EIF4B: variants seen among roughly 807,000 people sequenced by gnomAD.
The protein encoded by EIF4B is eukaryotic translation initiation factor 4B.
Under a neutral mutation model 79.3 loss-of-function variants are expected in EIF4B, and 8 were observed. The ratio of observed to expected loss-of-function variants is 0.10; its 90% confidence interval spans 0.06 to 0.18. The LOEUF is 0.18. EIF4B is among the 10% of genes least tolerant of loss of function. The probability of loss-of-function intolerance (pLI) is 1.00; values close to 1 mark genes in which losing one functional copy is unlikely to be tolerated. For missense variants in EIF4B, 515 were observed against 792.4 expected (o/e 0.65, Z 4.20); for synonymous variants, 238 against 274.7 (o/e 0.87, Z 1.32).
intron 10 of EIF4B, among the ~76,000 whole-genome samples, chr12:53,036,752 A>T (rs1943547912): frequency 6.6e-6 from 1 of 151,804 alleles, no homozygotes; most frequent in Non-Finnish European, 1.5e-5. Flanking sequence ...TTTGAGATGG[A>T]GTCTCACTCT....
At chr12:53,007,542 A>T (rs1942989980) in intron 1 of EIF4B, among the ~76,000 whole-genome samples, 1 of 148,840 alleles carries the variant, frequency 6.7e-6, no homozygotes, top group Admixed American at 6.9e-5. Context: ...GGAGGGGAGT[A>T]TCAGTGCCTT....
intron 5 of EIF4B, chr12:53,022,146 A>G: frequency 4.6e-6 from 3 of 658,748 alleles, no homozygotes; most frequent in South Asian, 3.3e-5. Flanking sequence ...ATGCATGTCA[A>G]GATTGAGAAG....
At chr12:53,019,437 A>ATATTTTTTTTTTCTTTT (rs1943205076) in intron 3 of EIF4B, among the ~76,000 whole-genome samples, 5 of 51,024 alleles carry the variant, frequency 9.8e-5, no homozygotes, top group East Asian at 1.3e-3. Context: ...ATATATATAT[A>ATATTTTTTTTTTCTTTT]TTTTTTTTTT....
At chr12:53,019,434 TATATTTTTTTTTTTTC>T (rs1345688750) in intron 3 of EIF4B, among the ~76,000 whole-genome samples, 3 of 86,268 alleles carry the variant, frequency 3.5e-5, no homozygotes, top group African/African-American at 8.4e-5. Flanking sequence ...TATATATATA[TATATTTTTTTTTTTTC>T]TTTTTTTTTT....
intron 4 of EIF4B, 89 bp downstream of exon 4, chr12:53,020,115 C>T (rs920678578): frequency 9.3e-7 from 1 of 1,073,056 alleles, no homozygotes; most frequent in African/African-American, 1.6e-5. Flanking sequence ...GGTTGAGAGG[C>T]TCACTTCAAA....
At chr12:53,022,352 C>T in intron 5 of EIF4B, 141 bp from the exon 6 acceptor site, 1 of 1,226,278 alleles carries the variant, frequency 8.2e-7, no homozygotes, top group Admixed American at 1.8e-5. Flanking sequence ...GGAGCATGTA[C>T]TTATGGGGCC....
intron 1 of EIF4B, among the ~76,000 whole-genome samples, chr12:53,011,376 C>T (rs886173491): frequency 1.3e-5 from 2 of 152,132 alleles, no homozygotes; most frequent in East Asian, 3.8e-4. Flanking sequence ...CTAACAATTC[C>T]TTTTCATTTA....
At chr12:53,015,572 A>G (rs1282027431) in intron 1 of EIF4B, among the ~76,000 whole-genome samples, 1 of 151,582 alleles carries the variant, frequency 6.6e-6, no homozygotes, top group Admixed American at 6.6e-5. Flanking sequence ...GGTCCCAGCT[A>G]TTGAGGAGGC....
chr12:53,034,807 T>C, intron 10 of EIF4B, 98 bp downstream of exon 10: 1 of 1,382,470 alleles, frequency 7.2e-7, no homozygotes, highest in South Asian at 1.2e-5. Flanking sequence ...AATTCAGTCA[T>C]GAACTCTTTA....
intron 1 of EIF4B, among the ~76,000 whole-genome samples, chr12:53,011,092 C>T (rs1313848730): frequency 2.0e-5 from 3 of 152,074 alleles, no homozygotes; most frequent in African/African-American, 7.2e-5. Flanking sequence ...AGTGAGACCA[C>T]GTCTCTACAA....
chr12:53,034,100 C>A, intron 9 of EIF4B, 66 bp downstream of exon 9: 1 of 1,474,552 alleles, frequency 6.8e-7, no homozygotes, highest in Non-Finnish European at 9.2e-7. Flanking sequence ...ATTACATCCC[C>A]AGGGGCATTT....
chr12:53,007,032 A>G (rs1406635655), intron 1 of EIF4B, among the ~76,000 whole-genome samples: 4 of 152,130 alleles, frequency 2.6e-5, no homozygotes, highest in African/African-American at 9.7e-5. Context: ...GGTAGGAGAC[A>G]CGAGGGTAGT....
In EIF4B at chr12:53,040,323, A is replaced by G. The variant is rs1436689182; in HGVS notation, c.*100A>G. ...CAGACAAGACAAAATAAAACTCACC[A>G]TCTCCTGAAGACCTTTCTTACCTTT... On this transcript the variant is annotated 3_prime_UTR_variant, in exon 15 of 15. Coordinates refer to ENST00000262056, the MANE Select transcript of EIF4B (RefSeq NM_001417.7). 11 of 1,180,630 alleles carry G rather than the reference A, an allele frequency of 9.3e-6. No homozygotes were observed. The highest frequency in any genetic ancestry group is 1.3e-5 in the Non-Finnish European group (11 of 824,852). The allele number at this position is 1,180,630 out of a possible 1,614,324, so 73.1% of individuals were successfully genotyped here.
rs1304366582 is a variant in EIF4B at position 53,034,050 on chromosome 12, G to T, written c.1208+16G>T. The T allele has an allele frequency of 3.8e-6, 6 of 1,596,758 alleles. No homozygotes were observed. Among genetic ancestry groups the T allele is most frequent in the Non-Finnish European group, 5.1e-6 (6 of 1,170,982 alleles). On this transcript the variant is annotated intron_variant, in intron 9 of 14. Transcript: ENST00000262056. ...CTCGGGAGAGGTGTGTTGTCTTGAT[G>T]GATATCCCATCTAGGAATCCGGTGG...
At position 53,018,740 on chromosome 12, in the gene EIF4B, C is replaced by A. The variant is rs1274568744; in HGVS notation, c.152-58C>A. ...GGCAATTAACATGGGTCCTCTTGTT[C>A]TATGACAGTAGTGAGAGAAGTTTCT... On this transcript the variant is annotated intron_variant, in intron 2 of 14. Transcript: ENST00000262056. 6.9e-6 allele frequency: 11 copies of A among 1,592,422 alleles called. No homozygotes were observed. In the East Asian group the frequency reaches 1.1e-4, roughly 16 times the overall value.
chr12:53,011,248 CAG>C (rs1259308618), intron 1 of EIF4B, among the ~76,000 whole-genome samples: 1 of 152,162 alleles, frequency 6.6e-6, no homozygotes, highest in Non-Finnish European at 1.5e-5. Flanking sequence ...GCCTGGGTGA[CAG>C]AGCAAGACCC....
intron 14 of EIF4B, 179 bp from the exon 15 acceptor site, chr12:53,039,964 A>G (rs1943604014): frequency 2.7e-6 from 2 of 728,018 alleles, no homozygotes; most frequent in South Asian, 1.8e-5. Flanking sequence ...CTATAGTAAG[A>G]TCGCATGTGC....
At chr12:53,033,334 C>CTTTTTT (rs11455422) in intron 8 of EIF4B, among the ~76,000 whole-genome samples, 4 of 142,380 alleles carry the variant, frequency 2.8e-5, no homozygotes, top group East Asian at 2.1e-4. Context: ...TACCTATTTT[C>CTTTTTT]TTTTTTTTTT....
At chr12:53,023,688 A>C (rs1302809216) in intron 6 of EIF4B, among the ~76,000 whole-genome samples, 1 of 146,390 alleles carries the variant, frequency 6.8e-6, no homozygotes, top group Non-Finnish European at 1.5e-5. Context: ...GGTTCAAGCG[A>C]TTCTCCTGCC....
Sources: gnomAD v4.1 joint callset for allele counts (sites outside exome capture counted in the v4.1 genomes callset) on GRCh38, gnomAD v4.1.1 for gene constraint, MANE v1.5 for transcripts, NCBI Gene and HGNC (gene_info 2026-07-23, HGNC 2026-07-21) for gene names.